The following SND1 variants were observed in gnomAD, a reference collection of about 807,000 sequenced individuals.
SND1 encodes staphylococcal nuclease and tudor domain containing 1.
SND1 carries 38 observed loss-of-function variants against 121.7 expected under a neutral mutation model. That is an observed-to-expected ratio of 0.31 (90% CI 0.24 to 0.41). The LOEUF (loss-of-function observed/expected upper bound fraction) is 0.41, where lower values mean the gene tolerates loss of function less well. Among genes scored for constraint, SND1 ranks in the 10% least tolerant of loss-of-function variants. The pLI, the probability that SND1 is intolerant of heterozygous loss-of-function variation, is 1.00. For missense variants in SND1, 868 were observed against 1,184.6 expected (o/e 0.73, Z 3.92); for synonymous variants, 401 against 447.4 (o/e 0.90, Z 1.31).
chr7:127,880,407 G>C (rs1799768294), intron 12 of SND1, among the ~76,000 whole-genome samples: 1 of 152,048 alleles, frequency 6.6e-6, no homozygotes, highest in Non-Finnish European at 1.5e-5. Context: ...TATATTTCTT[G>C]CGGATAAGGA....
At chr7:128,088,731 G>C (rs886236224) in intron 21 of SND1, among the ~76,000 whole-genome samples, 1 of 151,636 alleles carries the variant, frequency 6.6e-6, no homozygotes, top group African/African-American at 2.4e-5. Flanking sequence ...GGGATTACAG[G>C]CATGAGCCAC....
At chr7:127,970,461 A>G (rs1386027757) in intron 15 of SND1, among the ~76,000 whole-genome samples, 1 of 152,198 alleles carries the variant, frequency 6.6e-6, no homozygotes, top group African/African-American at 2.4e-5. Flanking sequence ...GATTCTGTGA[A>G]TGCTTAGGTG....
intron 1 of SND1, among the ~76,000 whole-genome samples, chr7:127,661,721 G>A (rs1006609985): frequency 5.3e-5 from 8 of 152,072 alleles, no homozygotes; most frequent in African/African-American, 1.9e-4. Flanking sequence ...CCTTCAGAGC[G>A]TTCAGGTGGA....
At chr7:127,980,771 T>C (rs1177070871) in intron 15 of SND1, among the ~76,000 whole-genome samples, 1 of 152,190 alleles carries the variant, frequency 6.6e-6, no homozygotes, top group Admixed American at 6.5e-5. Flanking sequence ...TACATTTGGC[T>C]GCCAGGTGTG....
chr7:127,764,725 T>A (rs1475810015), intron 10 of SND1, among the ~76,000 whole-genome samples: 6 of 152,202 alleles, frequency 3.9e-5, no homozygotes. Context: ...AAGAATAATG[T>A]CTAACTTGGT....
intron 12 of SND1, among the ~76,000 whole-genome samples, chr7:127,883,144 C>G (rs764234185): frequency 6.6e-6 from 1 of 152,104 alleles, no homozygotes; most frequent in East Asian, 1.9e-4. Context: ...AAAAGATAGA[C>G]GAGCAGTTGA....
chr7:127,932,723 G>A (rs547806351), intron 15 of SND1, among the ~76,000 whole-genome samples: 162 of 152,284 alleles, frequency 1.1e-3, no homozygotes, highest in Non-Finnish European at 1.8e-3. Context: ...TGATCAGTCA[G>A]CAGCCACAAA....
chr7:127,656,047 A>G (rs1345668981), intron 1 of SND1, among the ~76,000 whole-genome samples: 1 of 152,170 alleles, frequency 6.6e-6, no homozygotes, highest in Admixed American at 6.5e-5. Flanking sequence ...AGAAGGGGAA[A>G]GGAATGCCTC....
intron 10 of SND1, among the ~76,000 whole-genome samples, chr7:127,732,133 A>G (rs930587730): frequency 1.6e-4 from 25 of 152,188 alleles, no homozygotes; most frequent in Middle Eastern, 6.8e-3. Context: ...CCTCCACCTG[A>G]TGGTTCTCAA....
chr7:127,935,862 C>T (rs1301446360), intron 15 of SND1, among the ~76,000 whole-genome samples: 1 of 152,154 alleles, frequency 6.6e-6, no homozygotes, highest in African/African-American at 2.4e-5. Context: ...TGGGAGCAGT[C>T]CCTTATGTGC....
rs36078891 is a variant in SND1, at chr7:127,796,890, C to CTTT, written c.1153-10576_1153-10574dup. Among the ~76,000 whole-genome samples, 59 of 102,086 alleles carry CTTT rather than the reference C, an allele frequency of 5.8e-4. 2 individuals are homozygous for CTTT. Among genetic ancestry groups the CTTT allele is most frequent in the Middle Eastern group, 5.9e-3 (1 of 170 alleles). The allele number at this position is 102,086 out of a possible 152,430, so 67.0% of individuals were successfully genotyped here. ...CCAGATAATTTTTATTTTCCTGAGT[C>CTTT]TTTTTTTTTTTTTTTTTTTTGCTAT... On this transcript the variant is annotated intron_variant, in intron 10 of 23. Transcript: ENST00000354725.
chr7:128,030,864 A>G lies in SND1; in HGVS notation c.1779+39808A>G, dbSNP rs1792570013. On this transcript the variant is annotated intron_variant, in intron 16 of 23. Transcript: ENST00000354725. ...CCTCAAGGCAAGCCCTCCGAAAGCT[A>G]CGACTCTCCCACACTGCAACCGTCC... 4 of 523,870 alleles carry G rather than the reference A, an allele frequency of 7.6e-6. No individual in the cohort carries two copies. In the South Asian group the frequency reaches 1.1e-4, roughly 15 times the overall value. 32.5% of individuals were successfully genotyped at this position (523,870 alleles called of 1,614,324 possible). A position where few individuals can be genotyped will look rare whatever the true frequency, so the allele number is the denominator to read the frequency against.
chr7:127,828,640 G>A (rs1262198263), intron 11 of SND1, among the ~76,000 whole-genome samples: 1 of 152,100 alleles, frequency 6.6e-6, no homozygotes, highest in African/African-American at 2.4e-5. Context: ...TTGTAGAGTT[G>A]TCTAAAATTT....
chr7:128,074,716 C>T (rs1006259848), intron 17 of SND1, 26 bp downstream of exon 17: 3 of 1,575,002 alleles, frequency 1.9e-6, no homozygotes, highest in African/African-American at 2.7e-5. Context: ...CAGCTGTGCT[C>T]TCCCTGCCCT....
intron 12 of SND1, among the ~76,000 whole-genome samples, chr7:127,884,950 A>G (rs2116725490): frequency 6.6e-6 from 1 of 152,136 alleles, no homozygotes; most frequent in South Asian, 2.1e-4. Context: ...AGTGTAACCA[A>G]TCTTGTAACA....
intron 14 of SND1, among the ~76,000 whole-genome samples, chr7:127,913,576 ACT>A (rs1800505539): frequency 6.6e-6 from 1 of 152,226 alleles, no homozygotes; most frequent in Admixed American, 6.5e-5. Context: ...TGTAGATAAC[ACT>A]CTATGATTCT....
intron 16 of SND1, among the ~76,000 whole-genome samples, chr7:128,003,385 T>C (rs1802883147): frequency 6.6e-6 from 1 of 152,146 alleles, no homozygotes; most frequent in Non-Finnish European, 1.5e-5. Context: ...CTGTTTTCCT[T>C]TTCAGCTTAA....
intron 14 of SND1, among the ~76,000 whole-genome samples, chr7:127,927,051 T>A (rs1046657491): frequency 2.0e-5 from 3 of 152,136 alleles, no homozygotes; most frequent in African/African-American, 7.2e-5. Flanking sequence ...ATGACATGGG[T>A]AGCACTAAGG....
intron 16 of SND1, chr7:128,028,018 C>T (rs3808058): frequency 0.11 from 16,732 of 152,726 alleles, 1,187 homozygotes; most frequent in Admixed American, 0.21. Flanking sequence ...CACAGACCCC[C>T]AAGACTTGTG....
Sources: allele counts gnomAD v4.1 joint callset (sites outside exome capture counted in the v4.1 genomes callset), GRCh38; gene constraint gnomAD v4.1.1; transcripts MANE v1.5; gene names NCBI Gene and HGNC (gene_info 2026-07-23, HGNC 2026-07-21).